The following FAM13C variants were observed in gnomAD, a reference collection of about 807,000 sequenced individuals.
FAM13C encodes protein FAM13C.
Under a neutral mutation model 73.2 loss-of-function variants are expected in FAM13C, and 37 were observed. The observed-to-expected ratio is 0.51, with a 90% CI of 0.39 to 0.67. The LOEUF is 0.67. Among genes scored for constraint, FAM13C ranks in the 30% least tolerant of loss-of-function variants. The pLI is 0.00. For synonymous variants in FAM13C, 246 were observed against 260.9 expected (o/e 0.94, Z 0.55); for missense variants, 589 against 715.6 (o/e 0.82, Z 2.02).
At chr10:59,259,817 T>C (rs1842316213) in intron 10 of FAM13C, among the ~76,000 whole-genome samples, 1 of 152,190 alleles carries the variant, frequency 6.6e-6, no homozygotes. Context: ...TGCATGTGTC[T>C]ATTTGACTTA....
chr10:59,270,481 T>C (rs935987755), intron 6 of FAM13C, among the ~76,000 whole-genome samples: 12 of 151,580 alleles, frequency 7.9e-5, no homozygotes, highest in African/African-American at 2.7e-4. Context: ...CAAAAGACTA[T>C]AGATTATCAG....
chr10:59,310,733 G>A (rs987711466), intron 4 of FAM13C, among the ~76,000 whole-genome samples: 4 of 152,098 alleles, frequency 2.6e-5, no homozygotes, highest in African/African-American at 7.2e-5. Flanking sequence ...ACAGAACACT[G>A]ATCCCCAATG....
chr10:59,349,555 G>A (rs1051086028), intron 3 of FAM13C, among the ~76,000 whole-genome samples: 1 of 152,024 alleles, frequency 6.6e-6, no homozygotes, highest in Non-Finnish European at 1.5e-5. Context: ...CAGATTATTT[G>A]AGACCAGCCT....
At chr10:59,287,397 T>G (rs1442055765) in intron 5 of FAM13C, among the ~76,000 whole-genome samples, 2 of 150,690 alleles carry the variant, frequency 1.3e-5, no homozygotes, top group Non-Finnish European at 3.0e-5. Context: ...TTAGATATAT[T>G]TTAAGAATTT....
chr10:59,347,266 CA>C (rs979716058), intron 3 of FAM13C, among the ~76,000 whole-genome samples: 1 of 152,028 alleles, frequency 6.6e-6, no homozygotes, highest in African/African-American at 2.4e-5. Context: ...AAAGTTGGTG[CA>C]AAACTGGAAT....
At chr10:59,249,321 G>GTGAACCA (rs144953982) in intron 13 of FAM13C, among the ~76,000 whole-genome samples, 5 of 146,718 alleles carry the variant, frequency 3.4e-5, no homozygotes, top group Admixed American at 2.1e-4. Context: ...GGAGAATGGC[G>GTGAACCA]TGAACCCAGG....
At chr10:59,363,087 A>C (rs146453051), upstream of FAM13C, 344 of 157,084 alleles carry the variant, frequency 2.2e-3, 1 homozygote, top group Non-Finnish European at 3.2e-3. Flanking sequence ...TAGGCTCTAA[A>C]GCAGGGCTGG....
intron 3 of FAM13C, among the ~76,000 whole-genome samples, chr10:59,333,285 G>C (rs1852256114): frequency 6.6e-6 from 1 of 152,134 alleles, no homozygotes; most frequent in Non-Finnish European, 1.5e-5. Flanking sequence ...TCAGGAGTTT[G>C]AGACCAGCCT....
In FAM13C at chr10:59,352,321, C is replaced by T. The variant is rs141418632; in HGVS notation, c.273G>A (p.Lys91=). Residue 91 remains lysine (K), a synonymous_variant, in exon 3 of 14, where the codon AAG becomes AAA. Transcript: ENST00000618804. The stretch of plus-strand genomic sequence containing the variant: ...TCTCCGCTTTGAAGATGGACTTGGG[C>T]TTCCTGGACTTGAAGTTGCCCATGC... ...RPSMGNFKSR[K]PKSIFKAESG... 8.5e-5 allele frequency: 137 copies of T among 1,614,046 alleles called. No homozygotes were observed. Among genetic ancestry groups the T allele is most frequent in the Non-Finnish European group, 1.1e-4 (132 of 1,180,046 alleles).
chr10:59,260,843 C>G (rs987433250), intron 10 of FAM13C, among the ~76,000 whole-genome samples: 1 of 152,152 alleles, frequency 6.6e-6, no homozygotes, highest in African/African-American at 2.4e-5. Flanking sequence ...GTAGGCTTCT[C>G]TCTTATTGTC....
Position 59,248,029 on chromosome 10 carries a change from C to T in FAM13C, c.1635-292G>A, listed in dbSNP as rs115417900. ...GTGAAAAGATCTAAGGAGAAGCAAA[C>T]AAACAAGAAACAGAACTTTCAAGGC... On this transcript the variant is annotated intron_variant, in intron 13 of 13. Coordinates refer to ENST00000618804, the MANE Select transcript of FAM13C (RefSeq NM_198215.4). 2.6e-3 allele frequency among the ~76,000 whole-genome samples: 399 copies of T among 152,182 alleles called. 2 individuals carry two copies. Among genetic ancestry groups the T allele is most frequent in the African/African-American group, 9.0e-3 (373 of 41,548 alleles).
intron 4 of FAM13C, 90 bp downstream of exon 4, chr10:59,323,898 C>G (rs1443410575): frequency 1.8e-6 from 2 of 1,115,594 alleles, no homozygotes; most frequent in African/African-American, 3.2e-5. Flanking sequence ...AGTCAGAAAG[C>G]CTTGCCTCTT....
intron 3 of FAM13C, among the ~76,000 whole-genome samples, chr10:59,334,010 G>C (rs1852379437): frequency 6.6e-6 from 1 of 152,174 alleles, no homozygotes; most frequent in African/African-American, 2.4e-5. Context: ...TAAAGACATT[G>C]TGGAAGCATC....
chr10:59,311,667 A>T (rs1437791630), intron 4 of FAM13C, among the ~76,000 whole-genome samples: 1 of 152,156 alleles, frequency 6.6e-6, no homozygotes, highest in African/African-American at 2.4e-5. Flanking sequence ...GACAGGGCTC[A>T]TTCCCTCAGC....
chr10:59,254,386 T>C lies in FAM13C; in HGVS notation c.1294A>G (p.Lys432Glu). 1 of 1,558,562 alleles carries C rather than the reference T, an allele frequency of 6.4e-7. No individual in the cohort carries two copies. The highest frequency in any genetic ancestry group is 8.7e-7 in the Non-Finnish European group (1 of 1,150,412). ...KPLYDRYRII[K>E]QILSTPSLIP... Reference sequence around the variant, plus strand: ...AGGGAAGGTGTTGACAAGATTTGCTTGATAATTCTGTATCGGTCATAAAGC... The same window carrying C: ...AGGGAAGGTGTTGACAAGATTTGCTCGATAATTCTGTATCGGTCATAAAGC... Residue 432 changes from lysine (K) to glutamate (E), a missense_variant, in exon 11 of 14, where the codon AAG becomes GAG. Lys to Glu is a moderately conservative substitution (Grantham distance 56, BLOSUM62 1). Coordinates refer to ENST00000618804, the MANE Select transcript of FAM13C (RefSeq NM_198215.4).
At chr10:59,326,524 C>A (rs188519825) in intron 3 of FAM13C, among the ~76,000 whole-genome samples, 1 of 152,132 alleles carries the variant, frequency 6.6e-6, no homozygotes, top group Non-Finnish European at 1.5e-5. Flanking sequence ...GATCTATAAG[C>A]CCCCCTCAGA....
At chr10:59,330,227 A>T (rs1382920580) in intron 3 of FAM13C, among the ~76,000 whole-genome samples, 1 of 152,148 alleles carries the variant, frequency 6.6e-6, no homozygotes, top group Non-Finnish European at 1.5e-5. Context: ...ATAAAATAGG[A>T]CCACACCAGA....
intron 6 of FAM13C, among the ~76,000 whole-genome samples, chr10:59,280,450 T>C (rs919672118): frequency 6.6e-6 from 1 of 152,242 alleles, no homozygotes; most frequent in African/African-American, 2.4e-5. Context: ...ACAAGTCCCA[T>C]GTGATCTGTG....
intron 3 of FAM13C, among the ~76,000 whole-genome samples, chr10:59,346,083 G>C (rs191455740): frequency 1.1e-3 from 173 of 152,240 alleles, no homozygotes; most frequent in African/African-American, 4.0e-3. Flanking sequence ...TCAATAAGCT[G>C]TACTGGTTTT....
Sources: gnomAD v4.1 joint callset for allele counts (sites outside exome capture counted in the v4.1 genomes callset) on GRCh38, gnomAD v4.1.1 for gene constraint, MANE v1.5 for transcripts, NCBI Gene and HGNC (gene_info 2026-07-23, HGNC 2026-07-21) for gene names.